The following UBR4 variants were observed in gnomAD, a reference collection of about 807,000 sequenced individuals.
UBR4 encodes the protein ubiquitin protein ligase E3 component n-recognin 4, also known as E3 ubiquitin-protein ligase UBR4.
UBR4 carries 124 observed loss-of-function variants against 575.6 expected under a neutral mutation model. The observed-to-expected ratio is 0.22, with a 90% CI of 0.19 to 0.25. UBR4 has a LOEUF of 0.25. UBR4 is among the 10% of genes least tolerant of loss of function. UBR4 has a pLI of 1.00. For missense variants in UBR4, 4,818 were observed against 6,478.8 expected (o/e 0.74, Z 8.80); for synonymous variants, 2,455 against 2,473.7 (o/e 0.99, Z 0.22).
rs1246784358 is a variant in UBR4 at position 19,093,710 on chromosome 1, T to TC, written c.13938-225dup. ...GCACTCACATTTGCGCACACGTGGCTCCATCTCGTCATATTCCTCCCATCT... is the reference window on the plus strand; with the variant it reads ...GCACTCACATTTGCGCACACGTGGCTCCCATCTCGTCATATTCCTCCCATCT... On this transcript the variant is annotated intron_variant, in intron 95 of 105. Coordinates refer to ENST00000375254, the MANE Select transcript of UBR4 (RefSeq NM_020765.3). The surrounding 1 kb of genome is among the most constrained non-coding windows in gnomAD (Gnocchi z 4.8). Among the ~76,000 whole-genome samples the TC allele has an allele frequency of 2.6e-5, 4 of 152,192 alleles. No homozygotes were observed. Among genetic ancestry groups the TC allele is most frequent in the Non-Finnish European group, 5.9e-5 (4 of 68,036 alleles).
intron 11 of UBR4, among the ~76,000 whole-genome samples, chr1:19,190,835 CCTT>C (rs1342309656): frequency 3.9e-5 from 6 of 152,324 alleles, no homozygotes; most frequent in East Asian, 1.9e-4. Context: ...TGTTCTCCCT[CCTT>C]CTTATCTTAT....
chr1:19,170,739 C>G, intron 26 of UBR4, 23 bp downstream of exon 26: 1 of 1,614,082 alleles, frequency 6.2e-7, no homozygotes, highest in Non-Finnish European at 8.5e-7. Context: ...TAATATTACT[C>G]AAAAGCACAT....
intron 64 of UBR4, among the ~76,000 whole-genome samples, chr1:19,125,988 G>C (rs1365083485): frequency 6.6e-6 from 1 of 152,182 alleles, no homozygotes; most frequent in Non-Finnish European, 1.5e-5. Flanking sequence ...AGGGAGGTTA[G>C]ACAGACAGAA....
chr1:19,074,534 G>A lies in UBR4; in HGVS notation c.*298C>T. On this transcript the variant is annotated 3_prime_UTR_variant, in exon 106 of 106. Coordinates refer to ENST00000375254, the MANE Select transcript of UBR4 (RefSeq NM_020765.3). Reference sequence around the variant, plus strand: ...CTTTTCAATGTGTGTTAAGTCACTTGTTTATTTCTCAAGATGTGCACACTC... The same window carrying A: ...CTTTTCAATGTGTGTTAAGTCACTTATTTATTTCTCAAGATGTGCACACTC... 1 of 440,424 alleles carries A rather than the reference G, an allele frequency of 2.3e-6. No homozygotes were observed. Among genetic ancestry groups the A allele is most frequent in the East Asian group, 4.2e-5 (1 of 24,046 alleles). The allele number at this position is 440,424 out of a possible 1,614,324, so 27.3% of individuals were successfully genotyped here.
intron 81 of UBR4, among the ~76,000 whole-genome samples, chr1:19,108,853 T>C (rs530471632): frequency 2.0e-5 from 3 of 152,256 alleles, no homozygotes; most frequent in Non-Finnish European, 2.9e-5. Context: ...ACGGAGCAAA[T>C]TGTGAACATC....
At position 19,160,926 on chromosome 1, in the gene UBR4, T is replaced by C. The variant is rs767655970; in HGVS notation, c.5397A>G (p.Leu1799=). 2 of 1,614,154 alleles carry C rather than the reference T, an allele frequency of 1.2e-6. No individual in the cohort carries two copies. Among genetic ancestry groups the C allele is most frequent in the Admixed American group, 3.3e-5 (2 of 60,004 alleles). The part of the protein sequence containing the change: ...CRTVEGCREE[L]QNQANFSFAP... Reference sequence around the variant, plus strand: ...CATCAGTCAGCCCCACCTGGTTCTGTAATTCCTCCCGGCAGCCCTCTACTG... The same window carrying C: ...CATCAGTCAGCCCCACCTGGTTCTGCAATTCCTCCCGGCAGCCCTCTACTG... Residue 1799 remains leucine, a synonymous_variant, in exon 38 of 106, where the codon TTA becomes TTG. Transcript: ENST00000375254.
chr1:19,117,510 G>T lies in UBR4; in HGVS notation c.10630-96C>A. 7.5e-7 allele frequency: 1 copy of T among 1,333,446 alleles called. No homozygotes were observed. Among genetic ancestry groups the T allele is most frequent in the South Asian group, 1.4e-5 (1 of 71,194 alleles). The allele number at this position is 1,333,446 out of a possible 1,614,324, so 82.6% of individuals were successfully genotyped here. A position where few individuals can be genotyped will look rare whatever the true frequency, so the allele number is the denominator to read the frequency against. On this transcript the variant is annotated intron_variant, in intron 72 of 105. Transcript: ENST00000375254. This position sits in a 1 kb window ranked among gnomAD's most constrained non-coding sequence, Gnocchi z 4.0. Reference sequence around the variant, plus strand: ...GTAACCCACTCTTCATCCACAAGATGAAGTTTCTATTTAATTTTTTAAAAA... The same window carrying T: ...GTAACCCACTCTTCATCCACAAGATTAAGTTTCTATTTAATTTTTTAAAAA...
chr1:19,198,249 T>C (rs1165403251), intron 5 of UBR4, among the ~76,000 whole-genome samples, 200 bp from the exon 6 acceptor site: 1 of 152,238 alleles, frequency 6.6e-6, no homozygotes, highest in African/African-American at 2.4e-5. Context: ...ATATATGTTC[T>C]ATAACCAAAA....
intron 21 of UBR4, among the ~76,000 whole-genome samples, 159 bp from the exon 22 acceptor site, chr1:19,174,606 A>T (rs1350940956): frequency 1.3e-5 from 2 of 152,202 alleles, no homozygotes; most frequent in African/African-American, 4.8e-5. Context: ...GACATTACTC[A>T]CACTGTTTGC....
chr1:19,153,539 C>T lies in UBR4; in HGVS notation c.6631-37G>A, dbSNP rs377373557. On this transcript the variant is annotated intron_variant, in intron 45 of 105. Transcript: ENST00000375254. This position sits in a 1 kb window ranked among gnomAD's most constrained non-coding sequence, Gnocchi z 4.1. Reference sequence around the variant, plus strand: ...GGACAAAGGAGGGTCTTCGTTCCCACACCCACAGATCAGCATCCTCACAGA... The same window carrying T: ...GGACAAAGGAGGGTCTTCGTTCCCATACCCACAGATCAGCATCCTCACAGA... 38 of 1,608,186 alleles carry T rather than the reference C, an allele frequency of 2.4e-5. No homozygotes were observed. The highest frequency in any genetic ancestry group is 1.9e-4 in the Middle Eastern group (1 of 5,248).
intron 21 of UBR4, 21 bp from the exon 22 acceptor site, chr1:19,174,468 G>C (rs755766606): frequency 1.9e-6 from 3 of 1,603,448 alleles, no homozygotes; most frequent in South Asian, 2.2e-5. Context: ...GAAAGAAAGA[G>C]AGTCATTTCC....
intron 1 of UBR4, among the ~76,000 whole-genome samples, chr1:19,204,053 T>C (rs1046304386): frequency 1.3e-5 from 2 of 152,176 alleles, no homozygotes; most frequent in African/African-American, 4.8e-5. Flanking sequence ...GGCTACAATG[T>C]AGTGGCACTA....
intron 60 of UBR4, among the ~76,000 whole-genome samples, chr1:19,136,198 C>T (rs991552664): frequency 3.0e-4 from 46 of 152,072 alleles, no homozygotes; most frequent in Middle Eastern, 3.4e-3. Flanking sequence ...TAAATGATAT[C>T]GTTTAGGAAA....
intron 87 of UBR4, among the ~76,000 whole-genome samples, chr1:19,102,678 G>A (rs935941775): frequency 2.6e-5 from 4 of 152,158 alleles, no homozygotes; most frequent in Non-Finnish European, 5.9e-5. Context: ...GTCAGTTTTT[G>A]CGTTGAGCTT....
chr1:19,131,834 A>G (rs1328043446), intron 60 of UBR4, among the ~76,000 whole-genome samples: 1 of 152,150 alleles, frequency 6.6e-6, no homozygotes, highest in Non-Finnish European at 1.5e-5. Context: ...GATCATGCCA[A>G]TGCACTCCAG....
At chr1:19,207,907 C>T (rs2093089484) in intron 1 of UBR4, among the ~76,000 whole-genome samples, 2 of 152,230 alleles carry the variant, frequency 1.3e-5, no homozygotes, top group African/African-American at 2.4e-5. Context: ...GCTGCTTTCA[C>T]ACAATGATGG....
rs555035084 is a variant in UBR4, at chr1:19,144,129, T to C, written c.8068-38A>G. The C allele has an allele frequency of 1.6e-5, 26 of 1,575,818 alleles. No homozygotes were observed. In the East Asian group the frequency reaches 5.8e-4, roughly 35 times the overall value. On this transcript the variant is annotated intron_variant, in intron 54 of 105. Coordinates refer to ENST00000375254, the MANE Select transcript of UBR4 (RefSeq NM_020765.3). ...AGGAAACTGTCACGCTTTGCTCTCATATTATTCATGAAACTCTCTATAAAA... is the reference window on the plus strand; with the variant it reads ...AGGAAACTGTCACGCTTTGCTCTCACATTATTCATGAAACTCTCTATAAAA...
At position 19,093,269 on chromosome 1, in the gene UBR4, G is replaced by A. The variant is rs761552359; in HGVS notation, c.14111+44C>T. 7 of 1,597,452 alleles carry A rather than the reference G, an allele frequency of 4.4e-6. No homozygotes were observed. Among genetic ancestry groups the A allele is most frequent in the African/African-American group, 1.3e-5 (1 of 74,468 alleles). ...GCTGATGGAGAAGGAAAAGGAAAGGGCAAAGCGAAGGCAAAGCAGCCCCGC... is the reference window on the plus strand; with the variant it reads ...GCTGATGGAGAAGGAAAAGGAAAGGACAAAGCGAAGGCAAAGCAGCCCCGC... On this transcript the variant is annotated intron_variant, in intron 96 of 105. Coordinates refer to ENST00000375254, the MANE Select transcript of UBR4 (RefSeq NM_020765.3). The surrounding 1 kb of genome is among the most constrained non-coding windows in gnomAD (Gnocchi z 4.8).
In UBR4 at chr1:19,074,861, G is replaced by C; in HGVS notation, c.15523C>G (p.Leu5175Val). Residue 5175 changes from leucine to valine, a missense_variant, in exon 106 of 106, where the codon CTG becomes GTG. Leu to Val is a conservative substitution (Grantham distance 32). This residue lies in a region of UBR4 where 212 missense variants were observed against 221.3 expected (regional missense o/e 0.96). Coordinates refer to ENST00000375254, the MANE Select transcript of UBR4 (RefSeq NM_020765.3). Reference sequence around the variant, plus strand: ...GGGACTGAGTTCAACAGGTCCTTCAGGAAGCTCTCTGGATCGGTGATTTCT... The same window carrying C: ...GGGACTGAGTTCAACAGGTCCTTCACGAAGCTCTCTGGATCGGTGATTTCT... ...LSEITDPESF[L>V]KDLLNSVP 2 of 1,614,128 alleles carry C rather than the reference G, an allele frequency of 1.2e-6. No homozygotes were observed. The highest frequency in any genetic ancestry group is 1.7e-6 in the Non-Finnish European group (2 of 1,179,998).
Sources: allele counts gnomAD v4.1 joint callset (sites outside exome capture counted in the v4.1 genomes callset), GRCh38; gene constraint gnomAD v4.1.1; regional missense constraint gnomAD v4.1.1; non-coding constraint Gnocchi (gnomAD v3.1); transcripts MANE v1.5; gene names NCBI Gene and HGNC (gene_info 2026-07-23, HGNC 2026-07-21).